CRB1: variants seen among roughly 807,000 people sequenced by gnomAD.
CRB1 encodes the protein crumbs cell polarity complex component 1.
In CRB1, 83 loss-of-function variants were observed where a neutral mutation model predicts 120.0. That is an observed-to-expected ratio of 0.69 (90% confidence interval 0.58 to 0.83). The LOEUF is 0.83. Among genes scored for constraint, CRB1 ranks in the 40% least tolerant of loss-of-function variants. CRB1 has a pLI of 0.00. For synonymous variants in CRB1, 625 were observed against 612.5 expected (o/e 1.02, Z -0.30); for missense variants, 1,699 against 1,687.6 (o/e 1.01, Z -0.12).
chr1:197,425,031 A>C (rs538263039), intron 6 of CRB1, among the ~76,000 whole-genome samples: 24 of 152,280 alleles, frequency 1.6e-4, no homozygotes, highest in Admixed American at 1.5e-3. Flanking sequence ...AATACTCTGC[A>C]TTTTGGCTTT....
chr1:197,437,584 T>C (rs1211221234), intron 9 of CRB1, among the ~76,000 whole-genome samples: 1 of 152,130 alleles, frequency 6.6e-6, no homozygotes, highest in Non-Finnish European at 1.5e-5. Flanking sequence ...ATATTTGCAT[T>C]GCTAATTGAC....
chr1:197,346,337 G>A (rs919401800), intron 3 of CRB1, among the ~76,000 whole-genome samples: 1 of 151,782 alleles, frequency 6.6e-6, no homozygotes, highest in African/African-American at 2.4e-5. Flanking sequence ...TTATGCAAAT[G>A]GAGCTTCTAA....
intron 5 of CRB1, among the ~76,000 whole-genome samples, chr1:197,364,915 T>C (rs1356351786): frequency 6.6e-6 from 1 of 152,196 alleles, no homozygotes; most frequent in Non-Finnish European, 1.5e-5. Context: ...ATTCAAGTTA[T>C]GGTTTTACTG....
intron 11 of CRB1, among the ~76,000 whole-genome samples, chr1:197,468,084 C>T (rs1666827178): frequency 6.6e-6 from 1 of 152,122 alleles, no homozygotes; most frequent in Non-Finnish European, 1.5e-5. Flanking sequence ...AGGAAATATC[C>T]CAGAACCACA....
intron 5 of CRB1, among the ~76,000 whole-genome samples, chr1:197,403,801 C>T (rs1048495417): frequency 7.9e-5 from 12 of 152,084 alleles, no homozygotes; most frequent in Non-Finnish European, 1.6e-4. Flanking sequence ...TCTCCCCCTG[C>T]CCCGCTCTTC....
At chr1:197,435,735 G>A (rs1189323989) in intron 9 of CRB1, 123 bp downstream of exon 9, 2 of 840,548 alleles carry the variant, frequency 2.4e-6, no homozygotes, top group Non-Finnish European at 3.8e-6. Context: ...GGGTGACACT[G>A]GTAGCTTCTG....
At chr1:197,211,502 G>A in the CRB1 span, among the ~76,000 whole-genome samples, 17 of 152,180 alleles carry the variant, frequency 1.1e-4, no homozygotes, top group African/African-American at 4.1e-4. Flanking sequence ...TCACATGGCA[G>A]AAGAGGTGAA....
intron 5 of CRB1, chr1:197,364,020 G>A (rs1571400243): frequency 7.2e-7 from 1 of 1,385,930 alleles, no homozygotes; most frequent in Admixed American, 1.7e-5. Flanking sequence ...GTATGGAAAT[G>A]GCTCACAAGA....
chr1:197,223,271 GA>G, the CRB1 span: 1 of 917,922 alleles, frequency 1.1e-6, no homozygotes, highest in Admixed American at 1.9e-5. Context: ...CCTTGTGCCA[GA>G]ATTAGAAAAG....
At chr1:197,469,318 G>A (rs531323153) in intron 11 of CRB1, among the ~76,000 whole-genome samples, 4 of 152,284 alleles carry the variant, frequency 2.6e-5, no homozygotes, top group South Asian at 2.1e-4. Context: ...ACGTAAGTAC[G>A]GTCATTTTTT....
intron 1 of CRB1, among the ~76,000 whole-genome samples, chr1:197,268,851 C>T (rs968491951): frequency 6.6e-6 from 1 of 152,222 alleles, no homozygotes; most frequent in South Asian, 2.1e-4. Context: ...TATTCATAAC[C>T]TGTATTTCAT....
intron 5 of CRB1, among the ~76,000 whole-genome samples, chr1:197,417,587 G>C (rs1047207394): frequency 6.6e-6 from 1 of 152,220 alleles, no homozygotes; most frequent in African/African-American, 2.4e-5. Flanking sequence ...AGTAAAAAGA[G>C]AGGCAACGTC....
At chr1:197,427,356 T>A (rs1571538075) in intron 6 of CRB1, 98 bp from the exon 7 acceptor site, 1 of 890,828 alleles carries the variant, frequency 1.1e-6, no homozygotes, top group Non-Finnish European at 1.9e-6. Context: ...TGCATGTGTG[T>A]GTGTGAAATG....
At chr1:197,433,840 C>T (rs751936572) in intron 8 of CRB1, among the ~76,000 whole-genome samples, 4 of 152,000 alleles carry the variant, frequency 2.6e-5, no homozygotes, top group Non-Finnish European at 5.9e-5. Context: ...GACAATACGT[C>T]TATTATAGCA....
rs148281370 is a variant in CRB1 at position 197,356,767 on chromosome 1, T to C, written c.989-64T>C. On this transcript the variant is annotated intron_variant, in intron 4 of 11. Transcript: ENST00000367400. ...GCCAGTATAGCAGTCAACCTCCTTT[T>C]AGGCAAATGCTCTATAATTCAACAC... 4.9e-3 allele frequency: 7,547 copies of C among 1,549,404 alleles called. 48 individuals carry two copies. Among genetic ancestry groups the C allele is most frequent in the South Asian group, 0.015 (1,331 of 88,438 alleles).
chr1:197,224,212 G>C, the CRB1 span, among the ~76,000 whole-genome samples: 3 of 152,082 alleles, frequency 2.0e-5, no homozygotes, highest in Non-Finnish European at 4.4e-5. Flanking sequence ...GAAACTCAGA[G>C]GAACTTCCTG....
intron 5 of CRB1, among the ~76,000 whole-genome samples, chr1:197,382,174 A>G (rs1192409254): frequency 6.6e-6 from 1 of 152,200 alleles, no homozygotes; most frequent in Non-Finnish European, 1.5e-5. Flanking sequence ...AATATAGACA[A>G]TAACAGTAAC....
intron 11 of CRB1, among the ~76,000 whole-genome samples, chr1:197,463,111 T>G (rs1666602894): frequency 6.6e-6 from 1 of 152,180 alleles, no homozygotes; most frequent in East Asian, 1.9e-4. Flanking sequence ...GGAGATTTTC[T>G]TCATTGTTTA....
Position 197,328,613 on chromosome 1 carries a change from AC to A in CRB1, c.266del (p.Pro89GlnfsTer59). The A allele has an allele frequency of 6.2e-7, 1 of 1,614,222 alleles. No homozygotes were observed. Among genetic ancestry groups the A allele is most frequent in the Non-Finnish European group, 8.5e-7 (1 of 1,180,040 alleles). ...PCQGSATCVN[T>X]PGERSFLCKC... Reference sequence around the variant, plus strand: ...TCAAGGAAGTGCCACTTGTGTGAACACCCCAGGAGAAAGGAGCTTTCTGTGC... The same window carrying A: ...TCAAGGAAGTGCCACTTGTGTGAACACCCAGGAGAAAGGAGCTTTCTGTGC... On this transcript the variant is annotated frameshift_variant, in exon 2 of 12. Transcript: ENST00000367400. LOFTEE classifies it high-confidence loss of function.
Sources: allele counts gnomAD v4.1 joint callset (sites outside exome capture counted in the v4.1 genomes callset), GRCh38; gene constraint gnomAD v4.1.1; transcripts MANE v1.5; gene names NCBI Gene and HGNC (gene_info 2026-07-23, HGNC 2026-07-21).